The following ITIH5 variants were observed in gnomAD, a reference collection of about 807,000 sequenced individuals.
The protein encoded by ITIH5 is inter-alpha-trypsin inhibitor heavy chain H5.
A neutral mutation model predicts 77.5 loss-of-function variants in ITIH5; 65 were observed. That is an observed-to-expected ratio of 0.84 (90% CI 0.69 to 1.03). ITIH5 has a LOEUF of 1.03. ITIH5 is among the 50% of genes least tolerant of loss of function. ITIH5 has a pLI of 0.00. For synonymous variants in ITIH5, 525 were observed against 494.3 expected, an observed-to-expected ratio of 1.06 and a Z score of -0.82; for missense variants, 1,208 against 1,213.1, an observed-to-expected ratio of 1.00 and a Z score of 0.06.
Position 7,562,189 on chromosome 10 carries a change from A to C in ITIH5, c.*894T>G, listed in dbSNP as rs1260723410. The C allele has an allele frequency of 6.6e-6, 1 of 152,216 alleles. No homozygotes were observed. The highest frequency in any genetic ancestry group is 1.5e-5 in the Non-Finnish European group (1 of 68,066). 9.4% of individuals were successfully genotyped at this position (152,216 alleles called of 1,614,324 possible). A position where few individuals can be genotyped will look rare whatever the true frequency, so the allele number is the denominator to read the frequency against. On this transcript the variant is annotated 3_prime_UTR_variant, in exon 14 of 14. Transcript: ENST00000397146. ...GTAATTGATCACCTCCTGGATGACC[A>C]CAAGGAAAAAAGGTCTGGGAACTAT...
chr10:7,631,856 A>G (rs200250825), intron 5 of ITIH5, among the ~76,000 whole-genome samples: 182 of 150,996 alleles, frequency 1.2e-3, no homozygotes, highest in East Asian at 0.011. Flanking sequence ...GCAAAATCTC[A>G]GCTCGCTGCA....
In ITIH5 at chr10:7,645,994, A is replaced by G. The variant is rs75316416; in HGVS notation, c.136-3904T>C. ...GTGAATAAGACCATGAATTGAGAGG[A>G]AGTGTTTACTTTGATCTGTGTTATT... On this transcript the variant is annotated intron_variant, in intron 2 of 13. Transcript: ENST00000397146. Among the ~76,000 whole-genome samples, 95 of 152,334 alleles carry G rather than the reference A, an allele frequency of 6.2e-4. 1 individual carries two copies. The East Asian group carries it at 0.018, about 28-fold the overall frequency.
intron 5 of ITIH5, among the ~76,000 whole-genome samples, chr10:7,632,166 C>A (rs1372531270): frequency 2.0e-5 from 3 of 152,164 alleles, no homozygotes; most frequent in Non-Finnish European, 2.9e-5. Flanking sequence ...TTCCTAAGGT[C>A]TGCTGGAAAA....
At chr10:7,603,590 T>C (rs1833058635) in intron 7 of ITIH5, among the ~76,000 whole-genome samples, 1 of 152,104 alleles carries the variant, frequency 6.6e-6, no homozygotes, top group Admixed American at 6.5e-5. Flanking sequence ...TGTTTTTTGT[T>C]TGCTTGTTTT....
chr10:7,602,691 T>C (rs1467478508), intron 7 of ITIH5, among the ~76,000 whole-genome samples: 1 of 152,234 alleles, frequency 6.6e-6, no homozygotes, highest in African/African-American at 2.4e-5. Context: ...CGGGTATTTC[T>C]TCATAGCAGT....
rs961950031 is a variant in ITIH5 at position 7,660,032 on chromosome 10, GC to G, written c.91-4358del. On this transcript the variant is annotated intron_variant, in intron 1 of 13. Coordinates refer to ENST00000397146, the MANE Select transcript of ITIH5 (RefSeq NM_030569.7). ...TAGAGCTTCCACTGACTTCCTTGAG[GC>G]CCCAAATCATGGACTTAAGAGATGG... is the stretch of plus-strand genomic sequence containing the variant. Among the ~76,000 whole-genome samples, 29 of 152,164 alleles carry G rather than the reference GC, an allele frequency of 1.9e-4. 1 individual carries two copies. Among genetic ancestry groups the G allele is most frequent in the African/African-American group, 7.0e-4 (29 of 41,504 alleles).
chr10:7,637,395 A>T lies in ITIH5; in HGVS notation c.485T>A (p.Leu162His), dbSNP rs773870985. 7.7e-5 allele frequency: 124 copies of T among 1,613,966 alleles called. No homozygotes were observed. Among genetic ancestry groups the T allele is most frequent in the Non-Finnish European group, 1.0e-4 (120 of 1,179,940 alleles). Residue 162 changes from leucine to histidine, a missense_variant, in exon 5 of 14, where the codon CTT becomes CAT. Physicochemically the swap from Leu to His is moderately conservative, Grantham distance 99. Coordinates refer to ENST00000397146, the MANE Select transcript of ITIH5 (RefSeq NM_030569.7). ...KAAFFLSYEE[L>H]LQRRLGKYEH... is the part of the protein sequence containing the mutation. ...GTACTTGCCCAGGCGCCTCTGCAGA[A>T]GCTCCTCATAACTCAGGAAAAAGGC...
At position 7,624,795 on chromosome 10, in the gene ITIH5, A is replaced by AT. The variant is rs1202073135; in HGVS notation, c.653-7514_653-7513insA. On this transcript the variant is annotated intron_variant, in intron 5 of 13. Coordinates refer to ENST00000397146, the MANE Select transcript of ITIH5 (RefSeq NM_030569.7). ...AGTGAGACTCTGCCTAAAAAAAAAAAAAAATATATATATATATACACATAT... is the reference window on the plus strand; with the variant it reads ...AGTGAGACTCTGCCTAAAAAAAAAAATAAAATATATATATATATACACATAT... 3.4e-3 allele frequency among the ~76,000 whole-genome samples: 48 copies of AT among 14,254 alleles called. 2 individuals carry two copies. Among genetic ancestry groups the AT allele is most frequent in the Non-Finnish European group, 5.4e-3 (37 of 6,894 alleles). The allele number at this position is 14,254 out of a possible 152,430, so 9.4% of individuals were successfully genotyped here.
chr10:7,597,683 C>T (rs991794144), intron 7 of ITIH5, among the ~76,000 whole-genome samples: 1 of 152,072 alleles, frequency 6.6e-6, no homozygotes, highest in African/African-American at 2.4e-5. Context: ...GAGTCACGGT[C>T]ATGGCTGAGA....
intron 7 of ITIH5, among the ~76,000 whole-genome samples, chr10:7,592,940 C>T (rs920090557): frequency 6.6e-6 from 1 of 152,130 alleles, no homozygotes; most frequent in African/African-American, 2.4e-5. Flanking sequence ...AGTCTCCATG[C>T]TGCACACTGC....
intron 7 of ITIH5, among the ~76,000 whole-genome samples, chr10:7,614,468 GA>G (rs907947102): frequency 5.9e-5 from 9 of 152,148 alleles, no homozygotes; most frequent in African/African-American, 1.9e-4. Context: ...AACATCGTGA[GA>G]TTTTTTTGCG....
At chr10:7,643,556 A>ATGCTGGTCCTGGGC (rs1475409702) in intron 2 of ITIH5, among the ~76,000 whole-genome samples, 1 of 152,204 alleles carries the variant, frequency 6.6e-6, no homozygotes, top group Non-Finnish European at 1.5e-5. Context: ...TTGTGTGCTC[A>ATGCTGGTCCTGGGC]ACCCCCATGC....
chr10:7,661,113 T>G (rs78971430), intron 1 of ITIH5, among the ~76,000 whole-genome samples: 2,093 of 152,298 alleles, frequency 0.014, 53 homozygotes, highest in African/African-American at 0.047. Context: ...CTTACGAGAT[T>G]CTTACTAATG....
intron 1 of ITIH5, among the ~76,000 whole-genome samples, chr10:7,664,980 T>G (rs1834338924): frequency 6.6e-6 from 1 of 152,190 alleles, no homozygotes; most frequent in South Asian, 2.1e-4. Flanking sequence ...AACCCAGAAT[T>G]CTGGTGCTAA....
chr10:7,656,302 ACTCCCT>A (rs1834180604), intron 1 of ITIH5, among the ~76,000 whole-genome samples: 1 of 151,950 alleles, frequency 6.6e-6, no homozygotes, highest in Admixed American at 6.6e-5. Context: ...GCAGCCTCAA[ACTCCCT>A]GGCTCAAGCC....
intron 7 of ITIH5, among the ~76,000 whole-genome samples, chr10:7,607,679 G>A (rs1047990543): frequency 3.3e-5 from 5 of 152,176 alleles, no homozygotes; most frequent in African/African-American, 4.8e-5. Flanking sequence ...CAGGTGTGGC[G>A]GCGCATGCCT....
chr10:7,579,066 T>A (rs1054033547), intron 9 of ITIH5, among the ~76,000 whole-genome samples: 1 of 152,238 alleles, frequency 6.6e-6, no homozygotes, highest in Non-Finnish European at 1.5e-5. Context: ...CTTTGAAATA[T>A]CAGGATGTCA....
At chr10:7,603,643 G>A (rs1041675869) in intron 7 of ITIH5, among the ~76,000 whole-genome samples, 1 of 152,160 alleles carries the variant, frequency 6.6e-6, no homozygotes, top group African/African-American at 2.4e-5. Flanking sequence ...GAGTGCAGTG[G>A]CGCGATCTTG....
chr10:7,656,353 T>C (rs1834181362), intron 1 of ITIH5, among the ~76,000 whole-genome samples: 1 of 152,166 alleles, frequency 6.6e-6, no homozygotes, highest in East Asian at 1.9e-4. Flanking sequence ...CAGCTGGGAC[T>C]ACAGGCATGA....
Sources: allele counts gnomAD v4.1 joint callset (sites outside exome capture counted in the v4.1 genomes callset), GRCh38; gene constraint gnomAD v4.1.1; transcripts MANE v1.5; gene names NCBI Gene and HGNC (gene_info 2026-07-23, HGNC 2026-07-21).